Variants in FHAD1 observed in about 807,000 individuals in gnomAD.
FHAD1 encodes the protein forkhead-associated domain-containing protein 1.
A neutral mutation model predicts 191.3 loss-of-function variants in FHAD1; 146 were observed. That is an observed-to-expected ratio of 0.76 (90% CI 0.67 to 0.88). The LOEUF (loss-of-function observed/expected upper bound fraction) is 0.88. Among genes scored for constraint, FHAD1 ranks in the 40% least tolerant of loss-of-function variants. FHAD1 has a pLI of 0.00. For missense variants in FHAD1, 1,635 were observed against 1,785.8 expected, an observed-to-expected ratio of 0.92 and a Z score of 1.52; for synonymous variants, 616 against 672.3, an observed-to-expected ratio of 0.92 and a Z score of 1.29.
intron 15 of FHAD1, among the ~76,000 whole-genome samples, chr1:15,340,014 C>A (rs191433818): frequency 6.6e-6 from 1 of 152,142 alleles, no homozygotes; most frequent in East Asian, 1.9e-4. Flanking sequence ...TTAGTAGAGA[C>A]AGGGTTTCAT....
Position 15,327,057 on chromosome 1 carries a change from A to G in FHAD1, c.1474-2A>G, listed in dbSNP as rs1256806678. 6.5e-7 allele frequency: 1 copy of G among 1,547,932 alleles called. No homozygotes were observed. Among genetic ancestry groups the G allele is most frequent in the Admixed American group, 2.0e-5 (1 of 50,792 alleles). On this transcript the variant is annotated splice_acceptor_variant, in intron 11 of 33. Coordinates refer to ENST00000688493, the MANE Select transcript of FHAD1 (RefSeq NM_001391957.1). LOFTEE classifies it high-confidence loss of function. This position sits in a 1 kb window ranked among gnomAD's most constrained non-coding sequence, Gnocchi z 5.1. ...GACACTGTTGCCCCCTCTCTGCTGC[A>G]GCTGGAGCACTTCAGAAGTCAAGTC... is the stretch of plus-strand genomic sequence containing the variant.
intron 1 of FHAD1, among the ~76,000 whole-genome samples, chr1:15,240,972 A>AG (rs1295527317): frequency 0.012 from 1,775 of 149,472 alleles, 28 homozygotes; most frequent in African/African-American, 0.042. Flanking sequence ...AAAAAAAAAA[A>AG]AAAAGAAAGA....
intron 33 of FHAD1, among the ~76,000 whole-genome samples, chr1:15,394,224 G>T (rs143184036): frequency 9.9e-5 from 15 of 152,102 alleles, no homozygotes; most frequent in Non-Finnish European, 1.5e-4. Flanking sequence ...CCCTTCCGTG[G>T]TGCTTCCCAT....
intron 14 of FHAD1, among the ~76,000 whole-genome samples, chr1:15,335,623 G>A (rs1311537285): frequency 6.6e-6 from 1 of 152,044 alleles, no homozygotes; most frequent in Non-Finnish European, 1.5e-5. Flanking sequence ...TTCATTGAGG[G>A]CCCCTGTGTG....
At chr1:15,328,482 G>T in intron 13 of FHAD1, 53 bp downstream of exon 13, 1 of 1,323,022 alleles carries the variant, frequency 7.6e-7, no homozygotes, top group Non-Finnish European at 9.8e-7. Flanking sequence ...ATTTTTGTGC[G>T]GCTTATTTGG....
intron 14 of FHAD1, 58 bp from the exon 15 acceptor site, chr1:15,339,423 T>C: frequency 1.3e-5 from 11 of 815,628 alleles, no homozygotes; most frequent in Non-Finnish European, 1.9e-5. Context: ...CATCCACCTG[T>C]CTGCAAGCTT....
Position 15,360,645 on chromosome 1 carries a change from C to T in FHAD1, c.2904C>T (p.Val968=). The T allele has an allele frequency of 6.4e-7, 1 of 1,551,892 alleles. No individual in the cohort carries two copies. The highest frequency in any genetic ancestry group is 8.7e-7 in the Non-Finnish European group (1 of 1,147,048). ...IVSLEEKLQK[V]TQHHKKIEGE... ...GCCTCGAAGAGAAACTCCAGAAAGT[C>T]ACTCAGCACCATAAAAAAATAGAAG... The change falls in exon 22 of 34, where the codon GTC becomes GTT. Residue 968 remains valine, a synonymous_variant. Transcript: ENST00000688493.
At chr1:15,365,481 A>ATTTTTTTTTTTTTTTTTTTTTTT (rs71587751) in intron 23 of FHAD1, among the ~76,000 whole-genome samples, 4 of 112,756 alleles carry the variant, frequency 3.5e-5, no homozygotes, top group African/African-American at 1.3e-4. Flanking sequence ...TGCCTGGCTA[A>ATTTTTTTTTTTTTTTTTTTTTTT]TTTTTTTTTT....
intron 8 of FHAD1, chr1:15,314,642 T>A (rs1323645653): frequency 2.3e-3 from 3 of 1,280 alleles, no homozygotes; most frequent in African/African-American, 2.9e-3. Flanking sequence ...TATGTGGGTG[T>A]GTGGGGGTAT....
intron 11 of FHAD1, chr1:15,324,858 T>C (rs1452864205): frequency 2.3e-6 from 1 of 439,192 alleles, no homozygotes; most frequent in African/African-American, 2.0e-5. Context: ...TTGCCCCCAG[T>C]GGTGTTTCTA....
chr1:15,345,403 A>G lies in FHAD1; in HGVS notation c.2239-13A>G, dbSNP rs1377156329. 3.9e-6 allele frequency: 6 copies of G among 1,550,444 alleles called. No homozygotes were observed. The African/African-American group carries it at 6.8e-5, about 18-fold the overall frequency. The stretch of plus-strand genomic sequence containing the variant: ...TGGTAACCATGTCTATTGAACAATG[A>G]TCGTTGACTCAGGCTTTGGCGAAAA... On this transcript the variant is annotated splice_polypyrimidine_tract_variant and intron_variant, in intron 17 of 33. Transcript: ENST00000688493.
At chr1:15,368,080 T>G (rs1570331543) in intron 25 of FHAD1, among the ~76,000 whole-genome samples, 1 of 152,214 alleles carries the variant, frequency 6.6e-6, no homozygotes, top group Non-Finnish European at 1.5e-5. Flanking sequence ...CAAGCCATTC[T>G]CTTGCCTCAG....
downstream of FHAD1, among the ~76,000 whole-genome samples, chr1:15,402,325 CT>C (rs1008819627): frequency 2.6e-5 from 4 of 152,030 alleles, no homozygotes; most frequent in African/African-American, 9.7e-5. Context: ...GGAGCACTTA[CT>C]TTTTTTTAAA....
intron 6 of FHAD1, among the ~76,000 whole-genome samples, chr1:15,306,749 TTTGGGAACC>T: frequency 6.6e-6 from 1 of 152,316 alleles, no homozygotes; most frequent in East Asian, 1.9e-4. Context: ...AGAATTGAGG[TTTGGGAACC>T]TCTGCTTAGA....
intron 8 of FHAD1, chr1:15,314,370 G>A (rs1244508348): frequency 6.6e-6 from 1 of 152,160 alleles, no homozygotes; most frequent in Non-Finnish European, 1.5e-5. Context: ...GAGCCCCGGG[G>A]GCACACAGAC....
intron 33 of FHAD1, among the ~76,000 whole-genome samples, chr1:15,395,842 C>T (rs776276484): frequency 5.9e-5 from 9 of 152,062 alleles, no homozygotes; most frequent in Non-Finnish European, 1.0e-4. Context: ...ATGTATTTTA[C>T]GTGTGGCCCA....
chr1:15,375,823 A>G, intron 28 of FHAD1, 93 bp downstream of exon 28: 2 of 1,336,284 alleles, frequency 1.5e-6, no homozygotes, highest in Non-Finnish European at 2.0e-6. Context: ...ACAGCCATAC[A>G]TGTCAGTGGT....
At position 15,308,656 on chromosome 1, in the gene FHAD1, C is replaced by A. The variant is rs763424963; in HGVS notation, c.959C>A (p.Thr320Asn). ...GGCTACAGCAAGGTGCTGTGCCAGA[C>A]CCTGTCAGAGCGGAACTCAGAAATC... ...QKGYSKVLCQTLSERNSEITS... is the reference protein window; with the variant it reads ...QKGYSKVLCQNLSERNSEITS... Residue 320 changes from threonine to asparagine, a missense_variant, in exon 7 of 34, where the codon ACC becomes AAC. Coordinates refer to ENST00000688493, the MANE Select transcript of FHAD1 (RefSeq NM_001391957.1). The A allele has an allele frequency of 6.4e-7, 1 of 1,551,730 alleles. No homozygotes were observed. The highest frequency in any genetic ancestry group is 1.2e-5 in the South Asian group (1 of 84,066).
At chr1:15,343,292 G>C (rs1258941876) in intron 16 of FHAD1, among the ~76,000 whole-genome samples, 1 of 152,112 alleles carries the variant, frequency 6.6e-6, no homozygotes, top group Non-Finnish European at 1.5e-5. Flanking sequence ...GCAAAGTGCA[G>C]CCACGGTTGC....
Sources: gnomAD v4.1 joint callset for allele counts (sites outside exome capture counted in the v4.1 genomes callset) on GRCh38, gnomAD v4.1.1 for gene constraint, Gnocchi (gnomAD v3.1) non-coding constraint, MANE v1.5 for transcripts, NCBI Gene and HGNC (gene_info 2026-07-23, HGNC 2026-07-21) for gene names.